FZR1: variants seen among roughly 807,000 people sequenced by gnomAD.
FZR1 encodes the protein fizzy-related protein homolog.
A neutral mutation model predicts 63.6 loss-of-function variants in FZR1; 11 were observed. That is an observed-to-expected ratio of 0.17 (90% CI 0.11 to 0.29). The LOEUF (loss-of-function observed/expected upper bound fraction) is 0.29, where lower values mean the gene tolerates loss of function less well. Among genes scored for constraint, FZR1 ranks in the 10% least tolerant of loss-of-function variants. FZR1 has a pLI of 1.00. For missense variants in FZR1, 440 were observed against 687.5 expected (o/e 0.64, Z 4.03); for synonymous variants, 328 against 297.9 (o/e 1.10, Z -1.04).
intron 1 of FZR1, among the ~76,000 whole-genome samples, chr19:3,522,610 G>A (rs937128340): frequency 3.3e-5 from 5 of 152,190 alleles, no homozygotes; most frequent in African/African-American, 9.7e-5. Flanking sequence ...ATGGCTCCTC[G>A]GGACATGGAG....
At chr19:3,530,719 G>A (rs901409240) in intron 7 of FZR1, 73 bp from the exon 8 acceptor site, 45 of 1,089,034 alleles carry the variant, frequency 4.1e-5, no homozygotes, top group East Asian at 3.8e-4. Context: ...AGACAGTGGA[G>A]GGATGAATGT....
chr19:3,519,620 G>A (rs2083083688), intron 1 of FZR1, among the ~76,000 whole-genome samples: 1 of 152,186 alleles, frequency 6.6e-6, no homozygotes. Flanking sequence ...AATGCTGCCT[G>A]TGAAGCCGAT....
chr19:3,514,579 C>A lies in FZR1; in HGVS notation c.-35+8105C>A, dbSNP rs1371414759. 1.3e-5 allele frequency among the ~76,000 whole-genome samples: 2 copies of A among 152,138 alleles called. No homozygotes were observed. Among genetic ancestry groups the A allele is most frequent in the Non-Finnish European group, 2.9e-5 (2 of 68,018 alleles). The stretch of plus-strand genomic sequence containing the variant: ...TGGGTTATGGGATTCCATGGACCCC[C>A]AAGAGACTCTGCGTCCCATGATCCT... On this transcript the variant is annotated intron_variant, in intron 1 of 13. Coordinates refer to ENST00000441788, the MANE Select transcript of FZR1 (RefSeq NM_016263.4). The surrounding 1 kb of genome is among the most constrained non-coding windows in gnomAD (Gnocchi z 4.2).
rs946913828 is a variant in FZR1, at chr19:3,514,436, G to A, written c.-35+7962G>A. Among the ~76,000 whole-genome samples, 5 of 152,126 alleles carry A rather than the reference G, an allele frequency of 3.3e-5. No individual in the cohort carries two copies. The highest frequency in any genetic ancestry group is 4.1e-4 in the South Asian group (2 of 4,830). On this transcript the variant is annotated intron_variant, in intron 1 of 13. Transcript: ENST00000441788. This position sits in a 1 kb window ranked among gnomAD's most constrained non-coding sequence, Gnocchi z 4.2. ...TGGGCACTACAGGGTGCTGAGCAGCGTCCCTGGCCTCCACCCACTCCACGC... is the reference window on the plus strand; with the variant it reads ...TGGGCACTACAGGGTGCTGAGCAGCATCCCTGGCCTCCACCCACTCCACGC...
rs1802968614 is a variant in FZR1, at chr19:3,533,547, C to T, written c.1347+149C>T. 4.9e-6 allele frequency: 3 copies of T among 612,072 alleles called. No homozygotes were observed. The highest frequency in any genetic ancestry group is 5.9e-6 in the Non-Finnish European group (2 of 338,122). The allele number at this position is 612,072 out of a possible 1,614,324, so 37.9% of individuals were successfully genotyped here. On this transcript the variant is annotated intron_variant, in intron 12 of 13. Coordinates refer to ENST00000441788, the MANE Select transcript of FZR1 (RefSeq NM_016263.4). This position sits in a 1 kb window ranked among gnomAD's most constrained non-coding sequence, Gnocchi z 4.9. The stretch of plus-strand genomic sequence containing the variant: ...CCAGCAGCAGGGGCCGGCAGGGCAT[C>T]TGGTGCTGGTTGTGTTGCCAGCGTT...
intron 8 of FZR1, 76 bp from the exon 9 acceptor site, chr19:3,531,638 C>G: frequency 1.0e-6 from 1 of 1,002,632 alleles, no homozygotes; most frequent in South Asian, 1.5e-5. Flanking sequence ...GAGAGCCTGG[C>G]GCGACCAACG....
At chr19:3,523,312 G>A (rs539964474) in intron 2 of FZR1, among the ~76,000 whole-genome samples, 4 of 152,350 alleles carry the variant, frequency 2.6e-5, no homozygotes, top group South Asian at 2.1e-4. Flanking sequence ...TGGGGCGGCC[G>A]CATGGGCAGA....
intron 7 of FZR1, among the ~76,000 whole-genome samples, chr19:3,529,127 CG>C (rs1286609867): frequency 1.0e-5 from 1 of 99,488 alleles, no homozygotes; most frequent in Non-Finnish European, 2.0e-5. Flanking sequence ...GATGGGAGAG[CG>C]GATGGGAGAG....
At chr19:3,512,602 G>A (rs1454925626) in intron 1 of FZR1, among the ~76,000 whole-genome samples, 1 of 152,192 alleles carries the variant, frequency 6.6e-6, no homozygotes, top group Non-Finnish European at 1.5e-5. Flanking sequence ...AAGGGTGTCT[G>A]GGTGCTTCGC....
intron 8 of FZR1, among the ~76,000 whole-genome samples, 200 bp downstream of exon 8, chr19:3,531,057 C>T (rs2083241901): frequency 6.6e-6 from 1 of 152,034 alleles, no homozygotes; most frequent in Non-Finnish European, 1.5e-5. Context: ...CCCACCAGGC[C>T]CCTAGAAAGG....
In FZR1 at chr19:3,526,875, C is replaced by T; in HGVS notation, c.388-105C>T. On this transcript the variant is annotated intron_variant, in intron 5 of 13. Coordinates refer to ENST00000441788, the MANE Select transcript of FZR1 (RefSeq NM_016263.4). The surrounding 1 kb of genome is among the most constrained non-coding windows in gnomAD (Gnocchi z 5.4). Reference sequence around the variant, plus strand: ...AGCTGCTCCACACAGGGTCTCAGCACCTGCCTTAGGGCTATGAGCTGTACC... The same window carrying T: ...AGCTGCTCCACACAGGGTCTCAGCATCTGCCTTAGGGCTATGAGCTGTACC... 1.2e-6 allele frequency: 1 copy of T among 802,528 alleles called. No homozygotes were observed. Among genetic ancestry groups the T allele is most frequent in the South Asian group, 1.5e-5 (1 of 66,992 alleles). 49.7% of individuals were successfully genotyped at this position (802,528 alleles called of 1,614,324 possible).
At chr19:3,530,734 A>G in intron 7 of FZR1, 58 bp from the exon 8 acceptor site, 2 of 1,312,664 alleles carry the variant, frequency 1.5e-6, no homozygotes, top group Non-Finnish European at 2.2e-6. Context: ...GAATGTACCC[A>G]TGGATAGACT....
At chr19:3,510,221 C>T (rs971744566) in intron 1 of FZR1, among the ~76,000 whole-genome samples, 5 of 152,180 alleles carry the variant, frequency 3.3e-5, no homozygotes, top group Admixed American at 1.3e-4. Context: ...ACTGCAGCCT[C>T]GACCTTCCAG....
chr19:3,526,933 C>A lies in FZR1; in HGVS notation c.388-47C>A. 1 of 1,364,588 alleles carries A rather than the reference C, an allele frequency of 7.3e-7. No individual in the cohort carries two copies. Among genetic ancestry groups the A allele is most frequent in the South Asian group, 1.2e-5 (1 of 86,130 alleles). 84.5% of individuals were successfully genotyped at this position (1,364,588 alleles called of 1,614,324 possible). On this transcript the variant is annotated intron_variant, in intron 5 of 13. Transcript: ENST00000441788. The surrounding 1 kb of genome is among the most constrained non-coding windows in gnomAD (Gnocchi z 5.4). ...TGGGCTGCTGGGGGGCTCTGAGGGT[C>A]CTGCGGCCTGGGCGTGCGCTCAGCT...
chr19:3,534,926 T>G lies in FZR1; in HGVS notation c.*90T>G. 21 of 1,038,370 alleles carry G rather than the reference T, an allele frequency of 2.0e-5. No homozygotes were observed. The highest frequency in any genetic ancestry group is 2.4e-5 in the East Asian group (1 of 41,602). 64.3% of individuals were successfully genotyped at this position (1,038,370 alleles called of 1,614,324 possible). A position where few individuals can be genotyped will look rare whatever the true frequency, so the allele number is the denominator to read the frequency against. The stretch of plus-strand genomic sequence containing the variant: ...GCATGGACTCTGCCTTCCCAGCGCT[T>G]GTCCCCCGAGGAAGGCGGCTGGGCG... On this transcript the variant is annotated 3_prime_UTR_variant, in exon 14 of 14. Coordinates refer to ENST00000441788, the MANE Select transcript of FZR1 (RefSeq NM_016263.4).
At position 3,535,153 on chromosome 19, in the gene FZR1, C is replaced by T; in HGVS notation, c.*317C>T. ...AGAGCGACGGATGCCCCCTGGGACC[C>T]TCACTGCCTCCGTCTGTTCATCACC... On this transcript the variant is annotated 3_prime_UTR_variant, in exon 14 of 14. Transcript: ENST00000441788. 1 of 429,298 alleles carries T rather than the reference C, an allele frequency of 2.3e-6. No homozygotes were observed. The highest frequency in any genetic ancestry group is 2.4e-5 in the South Asian group (1 of 42,130). The allele number at this position is 429,298 out of a possible 1,614,324, so 26.6% of individuals were successfully genotyped here. A position where few individuals can be genotyped will look rare whatever the true frequency, so the allele number is the denominator to read the frequency against.
intron 13 of FZR1, 80 bp from the exon 14 acceptor site, chr19:3,534,715 C>T (rs2083279838): frequency 7.4e-7 from 1 of 1,350,212 alleles, no homozygotes; most frequent in South Asian, 1.2e-5. Flanking sequence ...GGACCAAGCC[C>T]CAAAGCCTTG....
rs903435495 is a variant in FZR1 at position 3,538,042 on chromosome 19, G to A, written c.*3206G>A. On this transcript the variant is annotated 3_prime_UTR_variant, in exon 14 of 14. Transcript: ENST00000441788. ...GGGAGGAACAGAGTGAGGAGAGGAGGGCAGGGCGTGCAGGGCCTTGTGGGC... is the reference window on the plus strand; with the variant it reads ...GGGAGGAACAGAGTGAGGAGAGGAGAGCAGGGCGTGCAGGGCCTTGTGGGC... The A allele has an allele frequency of 2.6e-5, 4 of 154,586 alleles. No individual in the cohort carries two copies. Among genetic ancestry groups the A allele is most frequent in the African/African-American group, 9.6e-5 (4 of 41,472 alleles). The allele number at this position is 154,586 out of a possible 1,614,324, so 9.6% of individuals were successfully genotyped here.
chr19:3,513,204 C>T lies in FZR1; in HGVS notation c.-35+6730C>T, dbSNP rs528591977. 2.0e-4 allele frequency among the ~76,000 whole-genome samples: 31 copies of T among 152,208 alleles called. No homozygotes were observed. In the South Asian group the frequency reaches 5.8e-3, roughly 28 times the overall value. On this transcript the variant is annotated intron_variant, in intron 1 of 13. Transcript: ENST00000441788. The stretch of plus-strand genomic sequence containing the variant: ...CCAGCCCACCCCCTGGCTCTGTCAC[C>T]GCCATCCAGCAACTTTGCAGGGGTC...
Sources: gnomAD v4.1 joint callset for allele counts (sites outside exome capture counted in the v4.1 genomes callset) on GRCh38, gnomAD v4.1.1 for gene constraint, Gnocchi (gnomAD v3.1) non-coding constraint, MANE v1.5 for transcripts, NCBI Gene and HGNC (gene_info 2026-07-23, HGNC 2026-07-21) for gene names.